SLC9A2: variants seen among roughly 807,000 people sequenced by gnomAD.
SLC9A2 encodes the protein solute carrier family 9 member A2.
A neutral mutation model predicts 71.7 loss-of-function variants in SLC9A2; 42 were observed. That is an observed-to-expected ratio of 0.59 (90% CI 0.46 to 0.76). The LOEUF is 0.76. Ranked by LOEUF, SLC9A2 falls within the 30% of genes least tolerant of loss-of-function variation. The pLI is 0.00. For synonymous variants in SLC9A2, 396 were observed against 392.5 expected (o/e 1.01, Z -0.10); for missense variants, 829 against 1,017.4 (o/e 0.81, Z 2.52).
chr2:102,619,925 C>T lies in SLC9A2; in HGVS notation c.77C>T (p.Ala26Val), dbSNP rs758244233. 3 of 1,602,856 alleles carry T rather than the reference C, an allele frequency of 1.9e-6. No homozygotes were observed. Among genetic ancestry groups the T allele is most frequent in the African/African-American group, 2.7e-5 (2 of 74,668 alleles). Reference protein sequence around the residue: ...PMLLLLLLQVAGPVGALAETL... With the variant: ...PMLLLLLLQVVGPVGALAETL... ...CTGTTGCTGCTGCTCCTGCAGGTGG[C>T]GGGGCCCGTGGGCGCCCTGGCGGAG... Residue 26 changes from alanine to valine, a missense_variant, in exon 1 of 12, where the codon GCG becomes GTG. Physicochemically the swap from Ala to Val is moderately conservative, Grantham distance 64. This residue lies in a region of SLC9A2 where 106 missense variants were observed against 93.5 expected (regional missense o/e 1.13). Transcript: ENST00000233969. The surrounding 1 kb of genome is among the most constrained non-coding windows in gnomAD (Gnocchi z 4.3).
At chr2:102,620,207 C>G in intron 1 of SLC9A2, 70 bp downstream of exon 1, 1 of 1,403,356 alleles carries the variant, frequency 7.1e-7, no homozygotes, top group Non-Finnish European at 9.8e-7. Context: ...GTGACCGGGT[C>G]AGCCAGCTGA....
chr2:102,681,946 G>C (rs1226551503), intron 3 of SLC9A2, among the ~76,000 whole-genome samples: 1 of 152,204 alleles, frequency 6.6e-6, no homozygotes, highest in Non-Finnish European at 1.5e-5. Flanking sequence ...TACCTATTCT[G>C]ATGCTCACAG....
intron 7 of SLC9A2, among the ~76,000 whole-genome samples, chr2:102,700,515 C>G (rs1416442735): frequency 6.6e-6 from 1 of 152,032 alleles, no homozygotes; most frequent in Non-Finnish European, 1.5e-5. Flanking sequence ...CAAGTGAGGG[C>G]AGGAAAGATG....
rs920305312 is a variant in SLC9A2, at chr2:102,651,053, C to A, written c.290-6511C>A. On this transcript the variant is annotated intron_variant, in intron 1 of 11. Coordinates refer to ENST00000233969, the MANE Select transcript of SLC9A2 (RefSeq NM_003048.6). The stretch of plus-strand genomic sequence containing the variant: ...TTTGAACCTCAAACTATGGATTCAT[C>A]CCTGATCATCTGTCTCACATCCTTT... Among the ~76,000 whole-genome samples the A allele has an allele frequency of 3.3e-5, 5 of 152,154 alleles. No individual in the cohort carries two copies. The South Asian group carries it at 6.2e-4, about 19-fold the overall frequency.
intron 3 of SLC9A2, among the ~76,000 whole-genome samples, chr2:102,672,138 A>T (rs950277627): frequency 9.9e-5 from 15 of 152,268 alleles, no homozygotes; most frequent in African/African-American, 3.6e-4. Context: ...AAATAAATTT[A>T]AAAATATATA....
At chr2:102,700,553 T>C (rs1242862380) in intron 7 of SLC9A2, among the ~76,000 whole-genome samples, 1 of 152,228 alleles carries the variant, frequency 6.6e-6, no homozygotes, top group Admixed American at 6.5e-5. Flanking sequence ...ACTGCAGTTA[T>C]ATCATGAGGT....
chr2:102,637,814 A>C (rs1454300890), intron 1 of SLC9A2, among the ~76,000 whole-genome samples: 3 of 152,202 alleles, frequency 2.0e-5, no homozygotes, highest in Non-Finnish European at 4.4e-5. Flanking sequence ...TCTCTGCCTA[A>C]GTTGTGTTCT....
chr2:102,675,547 G>A (rs1677332417), intron 3 of SLC9A2, among the ~76,000 whole-genome samples: 1 of 152,128 alleles, frequency 6.6e-6, no homozygotes, highest in South Asian at 2.1e-4. Flanking sequence ...TAGGGCTGAG[G>A]AATCCTTGAT....
intron 2 of SLC9A2, among the ~76,000 whole-genome samples, chr2:102,662,960 C>A (rs1013360736): frequency 6.6e-6 from 1 of 152,032 alleles, no homozygotes; most frequent in Non-Finnish European, 1.5e-5. Flanking sequence ...GAGAGGCTGT[C>A]CATGCAGAAG....
rs566603171 is a variant in SLC9A2 at position 102,708,256 on chromosome 2, G to C, written c.2206G>C (p.Asp736His). 24 of 1,614,078 alleles carry C rather than the reference G, an allele frequency of 1.5e-5. No individual in the cohort carries two copies. Among genetic ancestry groups the C allele is most frequent in the Non-Finnish European group, 1.9e-5 (23 of 1,180,044 alleles). Residue 736 changes from aspartate to histidine, a missense_variant, in exon 12 of 12, where the codon GAT becomes CAT. By Grantham distance (81) the Asp-to-His change is moderately conservative. This residue lies in a region of SLC9A2 where 223 missense variants were observed against 197.5 expected (regional missense o/e 1.13). Coordinates refer to ENST00000233969, the MANE Select transcript of SLC9A2 (RefSeq NM_003048.6). ...SYKMEWKNEV[D>H]VDSGRDMPST... ...TAAAATGGAATGGAAGAATGAGGTAGATGTTGATTCTGGCCGAGATATGCC... is the reference window on the plus strand; with the variant it reads ...TAAAATGGAATGGAAGAATGAGGTACATGTTGATTCTGGCCGAGATATGCC...
At chr2:102,669,841 A>T (rs1396746494) in intron 3 of SLC9A2, among the ~76,000 whole-genome samples, 1 of 152,090 alleles carries the variant, frequency 6.6e-6, no homozygotes, top group Non-Finnish European at 1.5e-5. Context: ...TTTGGACTTC[A>T]GGCTCCTTTC....
chr2:102,691,599 T>C (rs1478316292), intron 5 of SLC9A2, among the ~76,000 whole-genome samples: 1 of 152,150 alleles, frequency 6.6e-6, no homozygotes, highest in Non-Finnish European at 1.5e-5. Flanking sequence ...AAATAATTCT[T>C]ATTGAGCATG....
At chr2:102,643,050 A>G (rs1343694127) in intron 1 of SLC9A2, among the ~76,000 whole-genome samples, 1 of 151,990 alleles carries the variant, frequency 6.6e-6, no homozygotes, top group Non-Finnish European at 1.5e-5. Context: ...CAGGGTCTGT[A>G]GTGATTTCTA....
chr2:102,704,687 T>G lies in SLC9A2; in HGVS notation c.1977+12T>G. The G allele has an allele frequency of 1.2e-6, 2 of 1,607,752 alleles. No individual in the cohort carries two copies. Among genetic ancestry groups the G allele is most frequent in the Middle Eastern group, 1.7e-4 (1 of 6,024 alleles). ...ATCGAGAACACAGGGTAACTGAGTG[T>G]GCGCCTCTAGGAGACTTCCAGGGGT... On this transcript the variant is annotated intron_variant, in intron 10 of 11. Coordinates refer to ENST00000233969, the MANE Select transcript of SLC9A2 (RefSeq NM_003048.6).
intron 2 of SLC9A2, among the ~76,000 whole-genome samples, chr2:102,662,988 C>T (rs1163120628): frequency 6.6e-6 from 1 of 152,150 alleles, no homozygotes. Flanking sequence ...CTGGGAAACC[C>T]GCCTCTCCTC....
chr2:102,679,379 T>G (rs973489551), intron 3 of SLC9A2, among the ~76,000 whole-genome samples: 11 of 135,190 alleles, frequency 8.1e-5, no homozygotes, highest in African/African-American at 3.5e-4. Context: ...GCTATATATA[T>G]ATATAATTTT....
At chr2:102,659,906 C>G (rs775980072) in intron 2 of SLC9A2, among the ~76,000 whole-genome samples, 1 of 152,188 alleles carries the variant, frequency 6.6e-6, no homozygotes, top group Non-Finnish European at 1.5e-5. Flanking sequence ...GCAAAGGGAA[C>G]TTTACAAAGA....
intron 3 of SLC9A2, among the ~76,000 whole-genome samples, chr2:102,674,244 A>G (rs894034696): frequency 6.6e-6 from 1 of 152,216 alleles, no homozygotes; most frequent in Non-Finnish European, 1.5e-5. Context: ...GAATACAGCT[A>G]CGGAGGTCAA....
intron 7 of SLC9A2, among the ~76,000 whole-genome samples, chr2:102,696,614 G>A (rs940428037): frequency 2.0e-5 from 3 of 152,122 alleles, no homozygotes; most frequent in African/African-American, 7.2e-5. Flanking sequence ...TGTATATATG[G>A]GTGTGTGAGA....
Sources: gnomAD v4.1 joint callset for allele counts (sites outside exome capture counted in the v4.1 genomes callset) on GRCh38, gnomAD v4.1.1 for gene constraint, gnomAD v4.1.1 regional missense constraint, Gnocchi (gnomAD v3.1) non-coding constraint, MANE v1.5 for transcripts, NCBI Gene and HGNC (gene_info 2026-07-23, HGNC 2026-07-21) for gene names.